PSD3: variants seen among roughly 807,000 people sequenced by gnomAD.
PSD3 encodes the protein pleckstrin and Sec7 domain containing 3.
Under a neutral mutation model 105.5 loss-of-function variants are expected in PSD3, and 49 were observed. The observed-to-expected ratio is 0.46, with a 90% CI of 0.37 to 0.59. The LOEUF (loss-of-function observed/expected upper bound fraction) is 0.59, where lower values mean the gene tolerates loss of function less well. Among genes scored for constraint, PSD3 ranks in the 20% least tolerant of loss-of-function variants. PSD3 has a pLI of 0.00. For synonymous variants in PSD3, 557 were observed against 457.8 expected, an observed-to-expected ratio of 1.22 and a Z score of -2.77; for missense variants, 1,561 against 1,263.8, an observed-to-expected ratio of 1.24 and a Z score of -3.57.
rs4921976 is a variant in PSD3, at chr8:18,976,207, G to C, written c.21+37356C>G. ...AAATCTAATTTCTTTATTTTACAGAGAGCTTATAAAAATTATTAAAAATAA... is the reference window on the plus strand; with the variant it reads ...AAATCTAATTTCTTTATTTTACAGACAGCTTATAAAAATTATTAAAAATAA... On this transcript the variant is annotated intron_variant, in intron 1 of 15. Coordinates refer to ENST00000327040, the MANE Select transcript of PSD3 (RefSeq NM_015310.4). Among the ~76,000 whole-genome samples, 7 of 152,038 alleles carry C rather than the reference G, an allele frequency of 4.6e-5. No individual in the cohort carries two copies. In the East Asian group the frequency reaches 1.4e-3, roughly 29 times the overall value.
chr8:18,898,958 C>T (rs973475144), intron 2 of PSD3, among the ~76,000 whole-genome samples: 15 of 152,108 alleles, frequency 9.9e-5, no homozygotes, highest in African/African-American at 3.6e-4. Flanking sequence ...TTTTTCATTT[C>T]TCCAAAAATG....
intron 9 of PSD3, among the ~76,000 whole-genome samples, chr8:18,711,595 T>C (rs1031296147): frequency 1.3e-5 from 2 of 152,208 alleles, no homozygotes; most frequent in African/African-American, 4.8e-5. Context: ...CAAATACATA[T>C]GCACCTAATA....
At chr8:18,966,268 TCAAA>T (rs1265425571) in intron 1 of PSD3, among the ~76,000 whole-genome samples, 1 of 152,134 alleles carries the variant, frequency 6.6e-6, no homozygotes, top group Non-Finnish European at 1.5e-5. Context: ...TACTAGGCTG[TCAAA>T]CAGAGTCATT....
chr8:18,942,391 G>C (rs767275736), intron 1 of PSD3, among the ~76,000 whole-genome samples: 2 of 152,184 alleles, frequency 1.3e-5, no homozygotes, highest in Non-Finnish European at 2.9e-5. Context: ...CATGGAAGCA[G>C]GGAGCCACGC....
At chr8:18,555,377 C>A (rs1454873385) in intron 15 of PSD3, among the ~76,000 whole-genome samples, 1 of 151,254 alleles carries the variant, frequency 6.6e-6, no homozygotes, top group Non-Finnish European at 1.5e-5. Context: ...GGGGCCAGAG[C>A]TACAATGAAA....
intron 8 of PSD3, among the ~76,000 whole-genome samples, chr8:18,776,271 T>A (rs1433238599): frequency 2.1e-5 from 3 of 142,268 alleles, no homozygotes; most frequent in Non-Finnish European, 3.0e-5. Flanking sequence ...TATATATATA[T>A]AATGTATAAA....
intron 15 of PSD3, among the ~76,000 whole-genome samples, chr8:18,543,430 C>T (rs181793150): frequency 4.5e-4 from 68 of 152,086 alleles, no homozygotes; most frequent in Non-Finnish European, 8.2e-4. Flanking sequence ...TTGGCTAACA[C>T]GGTGAAACCC....
chr8:18,608,225 A>C (rs1469127128), intron 11 of PSD3, among the ~76,000 whole-genome samples: 1 of 152,188 alleles, frequency 6.6e-6, no homozygotes, highest in African/African-American at 2.4e-5. Flanking sequence ...GTCTCAAAAA[A>C]AAAATTATTT....
intron 2 of PSD3, among the ~76,000 whole-genome samples, chr8:18,875,946 C>T (rs1390855160): frequency 6.6e-6 from 1 of 152,192 alleles, no homozygotes; most frequent in Non-Finnish European, 1.5e-5. Flanking sequence ...CTTTCTATCT[C>T]TATGAAATGG....
intron 4 of PSD3, among the ~76,000 whole-genome samples, chr8:18,813,035 A>T (rs186723963): frequency 1.3e-4 from 20 of 152,324 alleles, no homozygotes; most frequent in Non-Finnish European, 2.8e-4. Context: ...AAGGTATCAG[A>T]ATAGTACAGT....
intron 8 of PSD3, among the ~76,000 whole-genome samples, chr8:18,797,686 G>A (rs1444494307): frequency 1.3e-5 from 2 of 152,124 alleles, no homozygotes; most frequent in African/African-American, 4.8e-5. Flanking sequence ...TTTTAAAAAT[G>A]CAATCTAGGA....
intron 10 of PSD3, among the ~76,000 whole-genome samples, chr8:18,641,217 C>T (rs1807618638): frequency 6.6e-6 from 1 of 152,164 alleles, no homozygotes; most frequent in Non-Finnish European, 1.5e-5. Context: ...AATTTCCTCA[C>T]CTTACAACCA....
At chr8:18,655,543 G>A in intron 10 of PSD3, 99 bp downstream of exon 10, 1 of 1,111,154 alleles carries the variant, frequency 9.0e-7, no homozygotes, top group Non-Finnish European at 1.4e-6. Context: ...AATTGGCAAT[G>A]CATATTTAAT....
intron 9 of PSD3, among the ~76,000 whole-genome samples, chr8:18,730,831 T>C (rs1264339370): frequency 2.6e-5 from 4 of 152,094 alleles, no homozygotes; most frequent in African/African-American, 7.2e-5. Flanking sequence ...AAGATGTGTG[T>C]ACTTAAAATA....
chr8:18,926,029 C>T (rs1416276538), intron 2 of PSD3, among the ~76,000 whole-genome samples: 1 of 152,030 alleles, frequency 6.6e-6, no homozygotes, highest in Non-Finnish European at 1.5e-5. Flanking sequence ...TGTCCAGGAA[C>T]TAACATAGGT....
chr8:18,871,227 C>T (rs1301987263), intron 3 of PSD3, among the ~76,000 whole-genome samples: 1 of 152,132 alleles, frequency 6.6e-6, no homozygotes, highest in African/African-American at 2.4e-5. Flanking sequence ...GTTGGAAGTA[C>T]CAGCTATATA....
intron 4 of PSD3, among the ~76,000 whole-genome samples, chr8:18,852,111 TC>T (rs1815624670): frequency 6.6e-6 from 1 of 152,082 alleles, no homozygotes; most frequent in African/African-American, 2.4e-5. Context: ...TACAAAAATT[TC>T]CCTTGACTGT....
chr8:18,563,979 A>C (rs1465564257), intron 14 of PSD3, among the ~76,000 whole-genome samples: 1 of 152,170 alleles, frequency 6.6e-6, no homozygotes, highest in Non-Finnish European at 1.5e-5. Context: ...GAGTTTTAAA[A>C]TCAGTATTGA....
intron 9 of PSD3, among the ~76,000 whole-genome samples, chr8:18,717,190 GAATGA>G (rs1201610439): frequency 3.3e-5 from 5 of 151,534 alleles, no homozygotes; most frequent in Admixed American, 3.3e-4. Flanking sequence ...TCAAACAAGA[GAATGA>G]AATAAAAATA....
Sources: allele counts gnomAD v4.1 joint callset (sites outside exome capture counted in the v4.1 genomes callset), GRCh38; gene constraint gnomAD v4.1.1; transcripts MANE v1.5; gene names NCBI Gene and HGNC (gene_info 2026-07-23, HGNC 2026-07-21).